SCAMP1: variants seen among roughly 807,000 people sequenced by gnomAD.
The protein encoded by SCAMP1 is secretory carrier-associated membrane protein 1.
SCAMP1 carries 15 observed loss-of-function variants against 41.8 expected under a neutral mutation model. The observed-to-expected ratio is 0.36, with a 90% CI of 0.24 to 0.55. SCAMP1 has a LOEUF of 0.55. SCAMP1 is among the 20% of genes least tolerant of loss of function. The pLI is 0.86. For synonymous variants in SCAMP1, 135 were observed against 136.8 expected (o/e 0.99, Z 0.09); for missense variants, 341 against 412.6 (o/e 0.83, Z 1.50).
intron 8 of SCAMP1, among the ~76,000 whole-genome samples, chr5:78,470,410 G>C (rs1753858642): frequency 6.6e-6 from 1 of 152,132 alleles, no homozygotes; most frequent in Non-Finnish European, 1.5e-5. Flanking sequence ...TATAAATGGA[G>C]TTATACAATA....
chr5:78,475,563 A>G lies in SCAMP1; in HGVS notation c.912A>G (p.Ala304=), dbSNP rs1375863185. 1 of 1,611,644 alleles carries G rather than the reference A, an allele frequency of 6.2e-7. No homozygotes were observed. Among genetic ancestry groups the G allele is most frequent in the Admixed American group, 1.7e-5 (1 of 59,312 alleles). ...TTGAGAAGGCCCAACAGGAGTTTGC[A>G]ACAGGTGTGATGTCCAACAAAACTG... ...ASFEKAQQEF[A]TGVMSNKTVQ... The change falls in exon 9 of 9, where the codon GCA becomes GCG. Residue 304 remains alanine, a synonymous_variant. Transcript: ENST00000621999.
At chr5:78,373,600 G>A (rs1007752729) in intron 1 of SCAMP1, among the ~76,000 whole-genome samples, 9 of 152,094 alleles carry the variant, frequency 5.9e-5, no homozygotes, top group South Asian at 2.1e-4. Context: ...GCTTTAAGAC[G>A]TAATTTGGTT....
At chr5:78,392,799 A>T (rs73768583) in intron 2 of SCAMP1, among the ~76,000 whole-genome samples, 6 of 152,352 alleles carry the variant, frequency 3.9e-5, no homozygotes, top group African/African-American at 1.4e-4. Context: ...TGATTTCAGA[A>T]ATTTGTCCAT....
intron 2 of SCAMP1, among the ~76,000 whole-genome samples, chr5:78,392,021 G>GAGAGAGGGAGAGGGAGACCGTGGAA (rs36217500): frequency 2.1e-5 from 3 of 144,994 alleles, no homozygotes; most frequent in South Asian, 2.2e-4. Flanking sequence ...GGGAGAGGGA[G>GAGAGAGGGAGAGGGAGACCGTGGAA]AGAGAGGGAG....
intron 6 of SCAMP1, among the ~76,000 whole-genome samples, chr5:78,429,043 C>T (rs1752533803): frequency 1.3e-5 from 2 of 152,016 alleles, no homozygotes; most frequent in South Asian, 4.1e-4. Context: ...CTCAAGATTC[C>T]TTGGGATTCC....
chr5:78,378,446 A>G (rs892953838), intron 1 of SCAMP1, among the ~76,000 whole-genome samples: 2 of 152,212 alleles, frequency 1.3e-5, no homozygotes, highest in Non-Finnish European at 2.9e-5. Flanking sequence ...ATCCAATACA[A>G]TGCATGGTGT....
At chr5:78,410,473 A>G (rs962347549) in intron 2 of SCAMP1, among the ~76,000 whole-genome samples, 2 of 152,140 alleles carry the variant, frequency 1.3e-5, no homozygotes, top group Non-Finnish European at 2.9e-5. Flanking sequence ...TAAGGACATG[A>G]TCACATTCCT....
intron 7 of SCAMP1, among the ~76,000 whole-genome samples, chr5:78,457,309 T>C (rs1190334528): frequency 6.6e-6 from 1 of 152,160 alleles, no homozygotes; most frequent in South Asian, 2.1e-4. Flanking sequence ...TCCCCGTCTT[T>C]GTGGTTTTAT....
At chr5:78,432,831 C>T (rs1004353500) in intron 6 of SCAMP1, among the ~76,000 whole-genome samples, 1 of 152,066 alleles carries the variant, frequency 6.6e-6, no homozygotes, top group Non-Finnish European at 1.5e-5. Flanking sequence ...TCTTTTGTAA[C>T]TTCTTTATCG....
intron 6 of SCAMP1, among the ~76,000 whole-genome samples, chr5:78,426,558 C>G (rs1012890515): frequency 3.3e-5 from 5 of 152,112 alleles, no homozygotes; most frequent in African/African-American, 1.2e-4. Flanking sequence ...AGCTTTTTTT[C>G]ATGTTGGCTG....
intron 8 of SCAMP1, among the ~76,000 whole-genome samples, chr5:78,473,632 C>T (rs1309811165): frequency 6.6e-6 from 1 of 152,096 alleles, no homozygotes; most frequent in African/African-American, 2.4e-5. Flanking sequence ...CTCCCACCTT[C>T]CCCTATCTTT....
rs143346972 is a variant in SCAMP1, at chr5:78,465,560, G to A, written c.852+6198G>A. Among the ~76,000 whole-genome samples the A allele has an allele frequency of 1.3e-4, 20 of 152,306 alleles. No homozygotes were observed. The Middle Eastern group carries it at 0.014, about 104-fold the overall frequency. On this transcript the variant is annotated intron_variant, in intron 8 of 8. Transcript: ENST00000621999. Reference sequence around the variant, plus strand: ...GAAGAGTAACCACTTTCATAGGGTTGGTGTGAGGATTAAATGAAACAGTGA... The same window carrying A: ...GAAGAGTAACCACTTTCATAGGGTTAGTGTGAGGATTAAATGAAACAGTGA...
Position 78,480,097 on chromosome 5 carries a change from AGGGAACAT to A in SCAMP1, c.*4436_*4443del, listed in dbSNP as rs1381098285. Among the ~76,000 whole-genome samples the A allele has an allele frequency of 6.6e-6, 1 of 152,138 alleles. No individual in the cohort carries two copies. Among genetic ancestry groups the A allele is most frequent in the Non-Finnish European group, 1.5e-5 (1 of 68,030 alleles). ...AGTGCTGGCCGTGTTTCAAATGGCA[AGGGAACAT>A]GGGAACTATCATGTGGCAATGTAGT... is the stretch of plus-strand genomic sequence containing the variant. On this transcript the variant is annotated 3_prime_UTR_variant, in exon 9 of 9. Transcript: ENST00000621999.
intron 1 of SCAMP1, among the ~76,000 whole-genome samples, chr5:78,388,092 G>C (rs535715903): frequency 6.6e-6 from 1 of 152,194 alleles, no homozygotes; most frequent in Non-Finnish European, 1.5e-5. Flanking sequence ...GGATTCTCTC[G>C]GATTTCCTGG....
chr5:78,464,485 C>T (rs906372244), intron 8 of SCAMP1, among the ~76,000 whole-genome samples: 1 of 152,170 alleles, frequency 6.6e-6, no homozygotes, highest in Non-Finnish European at 1.5e-5. Flanking sequence ...CCATTTCCAA[C>T]CTCAGCTAAT....
chr5:78,437,499 A>T (rs1362577585), intron 6 of SCAMP1, among the ~76,000 whole-genome samples: 1 of 152,192 alleles, frequency 6.6e-6, no homozygotes. Flanking sequence ...GGTTCTGTTT[A>T]TGTGATGGAT....
chr5:78,419,061 A>T (rs955280711), intron 5 of SCAMP1, among the ~76,000 whole-genome samples, 158 bp downstream of exon 5: 19 of 152,218 alleles, frequency 1.2e-4, no homozygotes, highest in African/African-American at 4.6e-4. Flanking sequence ...CTATTTAGGT[A>T]CTTCAGAATT....
intron 8 of SCAMP1, among the ~76,000 whole-genome samples, chr5:78,465,844 T>A (rs1463913494): frequency 6.6e-6 from 1 of 152,210 alleles, no homozygotes; most frequent in Non-Finnish European, 1.5e-5. Flanking sequence ...AAGTGGGATT[T>A]CTTCTTCCTC....
At chr5:78,404,355 C>T (rs559553038) in intron 2 of SCAMP1, among the ~76,000 whole-genome samples, 1 of 151,526 alleles carries the variant, frequency 6.6e-6, no homozygotes, top group South Asian at 2.1e-4. Context: ...CTATATTGCC[C>T]AGCCTGGTCT....
Sources: gnomAD v4.1 joint callset for allele counts (sites outside exome capture counted in the v4.1 genomes callset) on GRCh38, gnomAD v4.1.1 for gene constraint, MANE v1.5 for transcripts, NCBI Gene and HGNC (gene_info 2026-07-23, HGNC 2026-07-21) for gene names.